The following RFX1 variants were observed in gnomAD, a reference collection of about 807,000 sequenced individuals.
The protein encoded by RFX1 is regulatory factor X1, also known as MHC class II regulatory factor RFX1.
Under a neutral mutation model 119.6 loss-of-function variants are expected in RFX1, and 42 were observed. The observed-to-expected ratio is 0.35, with a 90% CI of 0.27 to 0.45. The LOEUF (loss-of-function observed/expected upper bound fraction) is 0.45, where lower values mean the gene tolerates loss of function less well. Among genes scored for constraint, RFX1 ranks in the 20% least tolerant of loss-of-function variants. RFX1 has a pLI of 1.00. For missense variants in RFX1, 1,118 were observed against 1,368.1 expected (o/e 0.82, Z 2.88); for synonymous variants, 628 against 618.5 (o/e 1.02, Z -0.23).
intron 9 of RFX1, 126 bp from the exon 10 acceptor site, chr19:13,970,301 A>G: frequency 1.4e-6 from 1 of 716,988 alleles, no homozygotes; most frequent in Non-Finnish European, 2.3e-6. Context: ...ATAAGTTAGC[A>G]CATCCTACTG....
chr19:13,962,679 CG>C lies in RFX1; in HGVS notation c.*15del. On this transcript the variant is annotated 3_prime_UTR_variant, in exon 21 of 21. Transcript: ENST00000254325. ...GGAGGGGTGGCGGGGGCGGGTGGGG[CG>C]GGGAGGCCAAGGGCTTAGCTGGAGG... 1 of 675,996 alleles carries C rather than the reference CG, an allele frequency of 1.5e-6. No individual in the cohort carries two copies. The allele number at this position is 675,996 out of a possible 1,614,324, so 41.9% of individuals were successfully genotyped here. A position where few individuals can be genotyped will look rare whatever the true frequency, so the allele number is the denominator to read the frequency against.
rs557474110 is a variant in RFX1 at position 13,995,330 on chromosome 19, G to A, written c.-52-1435C>T. ...CCTGCCATCTGGACTTGGGATTCTC[G>A]GCTGAGTAGCATTCCCAGTGGGAAG... On this transcript the variant is annotated intron_variant, in intron 1 of 20. Coordinates refer to ENST00000254325, the MANE Select transcript of RFX1 (RefSeq NM_002918.5). 1.1e-4 allele frequency among the ~76,000 whole-genome samples: 17 copies of A among 152,174 alleles called. No homozygotes were observed. The East Asian group carries it at 2.9e-3, about 26-fold the overall frequency.
chr19:13,963,127 C>G lies in RFX1; in HGVS notation c.2719G>C (p.Gly907Arg), dbSNP rs764229128. ...CAGTGGCCCGCCTCGCGCACCTCGC[C>G]CATGACGGCGATGGGGGTCTCGCCC... ...AKGETPIAVM[G>R]EFANLATSLN... is the part of the protein sequence containing the mutation. The change falls in exon 19 of 21, where the codon GGC (glycine) becomes CGC (arginine). Residue 907 changes from glycine to arginine, a missense_variant. Physicochemically the swap from Gly to Arg is moderately radical, Grantham distance 125. Coordinates refer to ENST00000254325, the MANE Select transcript of RFX1 (RefSeq NM_002918.5). 1.9e-6 allele frequency: 3 copies of G among 1,611,080 alleles called. No individual in the cohort carries two copies. In the African/African-American group the frequency reaches 4.0e-5, roughly 22 times the overall value.
Position 13,987,289 on chromosome 19 carries a change from C to A in RFX1, c.320-3694G>T, listed in dbSNP as rs142570620. ...AGGGATTTATGGATCTAGTATTGTT[C>A]CTGACCAGGGAAACTTGATCTTCCT... is the stretch of plus-strand genomic sequence containing the variant. On this transcript the variant is annotated intron_variant, in intron 2 of 20. Coordinates refer to ENST00000254325, the MANE Select transcript of RFX1 (RefSeq NM_002918.5). Among the ~76,000 whole-genome samples the A allele has an allele frequency of 7.9e-5, 12 of 152,176 alleles. 1 individual carries two copies. The highest frequency in any genetic ancestry group is 2.9e-4 in the African/African-American group (12 of 41,510).
At chr19:14,003,947 C>A (rs1163862869) in intron 1 of RFX1, among the ~76,000 whole-genome samples, 1 of 152,096 alleles carries the variant, frequency 6.6e-6, no homozygotes, top group Middle Eastern at 3.4e-3. Flanking sequence ...CACTCTGTTG[C>A]CCAGGCTGGA....
chr19:13,976,633 GA>G (rs1455460032), intron 8 of RFX1, among the ~76,000 whole-genome samples: 5 of 152,216 alleles, frequency 3.3e-5, no homozygotes, highest in Admixed American at 6.5e-5. Flanking sequence ...CAGGACCCAC[GA>G]GGACACATGG....
In RFX1 at chr19:13,977,984, T is replaced by G; in HGVS notation, c.929+8A>C. ...GACTCCCTCACCCACCCCTCTCCCT[T>G]CACTTACATGGCACTGGCCGTGTAG... On this transcript the variant is annotated splice_region_variant and intron_variant, in intron 8 of 20. Transcript: ENST00000254325. 6.2e-7 allele frequency: 1 copy of G among 1,607,226 alleles called. No homozygotes were observed. The highest frequency in any genetic ancestry group is 1.3e-5 in the African/African-American group (1 of 74,900).
chr19:13,968,393 C>G lies in RFX1; in HGVS notation c.1732+172G>C, dbSNP rs1400320174. ...TTGAAGAAGGATTCTAGGGACAGAA[C>G]TGTCACTGTGGACGGAGACTGTGAT... On this transcript the variant is annotated intron_variant, in intron 12 of 20. Transcript: ENST00000254325. The surrounding 1 kb of genome is among the most constrained non-coding windows in gnomAD (Gnocchi z 5.5). Among the ~76,000 whole-genome samples, 1 of 152,184 alleles carries G rather than the reference C, an allele frequency of 6.6e-6. No individual in the cohort carries two copies. Among genetic ancestry groups the G allele is most frequent in the African/African-American group, 2.4e-5 (1 of 41,450 alleles).
intron 2 of RFX1, among the ~76,000 whole-genome samples, chr19:13,988,341 G>A (rs1426360058): frequency 9.9e-5 from 15 of 152,182 alleles, no homozygotes; most frequent in African/African-American, 3.6e-4. Flanking sequence ...CTGAGGGAGT[G>A]CGGGAAGAGC....
At chr19:13,971,530 G>A (rs1300705696) in intron 9 of RFX1, among the ~76,000 whole-genome samples, 5 of 152,112 alleles carry the variant, frequency 3.3e-5, no homozygotes, top group Non-Finnish European at 7.4e-5. Context: ...TCCAGCACCC[G>A]CCTTCCTGAT....
chr19:13,963,476 G>A (rs1973785318), intron 18 of RFX1, 62 bp downstream of exon 18: 1 of 1,503,420 alleles, frequency 6.7e-7, no homozygotes, highest in Non-Finnish European at 9.0e-7. Context: ...GAGCACCTGA[G>A]ACCCCCAGGG....
At position 13,968,760 on chromosome 19, in the gene RFX1, GCCCTGCCTTC is replaced by G; in HGVS notation, c.1616+5_1616+14del. ...CCCCGCCTGCCCTGCCCTGGGTCCG[GCCCTGCCTTC>G]CTACCTCTGCTTCTGCGAGAAGGGC... On this transcript the variant is annotated splice_donor_5th_base_variant and intron_variant, in intron 11 of 20. Coordinates refer to ENST00000254325, the MANE Select transcript of RFX1 (RefSeq NM_002918.5). The surrounding 1 kb of genome is among the most constrained non-coding windows in gnomAD (Gnocchi z 5.5). 1 of 1,605,314 alleles carries G rather than the reference GCCCTGCCTTC, an allele frequency of 6.2e-7. No individual in the cohort carries two copies. Among genetic ancestry groups the G allele is most frequent in the Non-Finnish European group, 8.5e-7 (1 of 1,176,372 alleles).
chr19:13,968,342 T>C lies in RFX1; in HGVS notation c.1732+223A>G, dbSNP rs1973968856. On this transcript the variant is annotated intron_variant, in intron 12 of 20. Coordinates refer to ENST00000254325, the MANE Select transcript of RFX1 (RefSeq NM_002918.5). The surrounding 1 kb of genome is among the most constrained non-coding windows in gnomAD (Gnocchi z 5.5). The stretch of plus-strand genomic sequence containing the variant: ...AGCTCAGAACCCCCGAGAAATGCTT[T>C]GCATTGAAAGAAATGAGAATCTACC... Among the ~76,000 whole-genome samples the C allele has an allele frequency of 6.6e-6, 1 of 151,746 alleles. No individual in the cohort carries two copies. Among genetic ancestry groups the C allele is most frequent in the South Asian group, 2.1e-4 (1 of 4,820 alleles).
At position 13,969,991 on chromosome 19, in the gene RFX1, T is replaced by C. The variant is rs543721294; in HGVS notation, c.1496+3A>G. 156 of 1,601,466 alleles carry C rather than the reference T, an allele frequency of 9.7e-5. No homozygotes were observed. The highest frequency in any genetic ancestry group is 1.3e-4 in the Non-Finnish European group (152 of 1,172,738). On this transcript the variant is annotated splice_donor_region_variant and intron_variant, in intron 10 of 20. Transcript: ENST00000254325. This position sits in a 1 kb window ranked among gnomAD's most constrained non-coding sequence, Gnocchi z 4.5. ...ACTGCTGGGAGTAGACGGATGGCCC[T>C]ACCTGGTGCCCAGACGGCGGGTTCG...
At position 13,986,872 on chromosome 19, in the gene RFX1, C is replaced by T. The variant is rs1472228499; in HGVS notation, c.320-3277G>A. 1.3e-5 allele frequency among the ~76,000 whole-genome samples: 2 copies of T among 152,236 alleles called. No homozygotes were observed. Among genetic ancestry groups the T allele is most frequent in the Middle Eastern group, 3.4e-3 (1 of 294 alleles). ...CCTGGCATCCACCCTGGGGGCCTGGCCCCCTTCCCCATAGACAGATGGGGC... is the reference window on the plus strand; with the variant it reads ...CCTGGCATCCACCCTGGGGGCCTGGTCCCCTTCCCCATAGACAGATGGGGC... On this transcript the variant is annotated intron_variant, in intron 2 of 20. Transcript: ENST00000254325. This position sits in a 1 kb window ranked among gnomAD's most constrained non-coding sequence, Gnocchi z 4.2.
At chr19:13,972,329 G>C (rs1396778052) in intron 9 of RFX1, among the ~76,000 whole-genome samples, 1 of 151,976 alleles carries the variant, frequency 6.6e-6, no homozygotes, top group Non-Finnish European at 1.5e-5. Context: ...GAGTAGCTGG[G>C]ATTACAGGTG....
At chr19:14,003,072 T>TC (rs36119925) in intron 1 of RFX1, among the ~76,000 whole-genome samples, 9 of 152,208 alleles carry the variant, frequency 5.9e-5, no homozygotes, top group Non-Finnish European at 4.4e-5. Context: ...AACTTCCATC[T>TC]CCACGGTTCA....
chr19:13,978,972 C>G (rs1974344144), intron 7 of RFX1, among the ~76,000 whole-genome samples: 1 of 151,638 alleles, frequency 6.6e-6, no homozygotes, highest in Non-Finnish European at 1.5e-5. Context: ...TGCCTAGCTG[C>G]GGGGCCTCGC....
At chr19:13,987,962 G>A (rs966237708) in intron 2 of RFX1, among the ~76,000 whole-genome samples, 7 of 151,908 alleles carry the variant, frequency 4.6e-5, no homozygotes, top group African/African-American at 7.3e-5. Flanking sequence ...CTTAGAGTCC[G>A]GCCTAGCTCT....
Sources: gnomAD v4.1 joint callset for allele counts (sites outside exome capture counted in the v4.1 genomes callset) on GRCh38, gnomAD v4.1.1 for gene constraint, Gnocchi (gnomAD v3.1) non-coding constraint, MANE v1.5 for transcripts, NCBI Gene and HGNC (gene_info 2026-07-23, HGNC 2026-07-21) for gene names.